Variants in PLGRKT observed in about 807,000 individuals in gnomAD.
PLGRKT encodes the protein plasminogen receptor (KT).
Under a neutral mutation model 18.5 loss-of-function variants are expected in PLGRKT, and 22 were observed. The ratio of observed to expected loss-of-function variants is 1.19; its 90% CI spans 0.85 to 1.70. The LOEUF (loss-of-function observed/expected upper bound fraction) is 1.70, where lower values mean the gene tolerates loss of function less well. PLGRKT is among the 40% of genes most tolerant of loss of function. The pLI, the probability that PLGRKT is intolerant of heterozygous loss-of-function variation, is 0.00. For synonymous variants in PLGRKT, 72 were observed against 52.8 expected, an observed-to-expected ratio of 1.36 and a Z score of -1.58; for missense variants, 235 against 174.4, an observed-to-expected ratio of 1.35 and a Z score of -1.96.
intron 3 of PLGRKT, among the ~76,000 whole-genome samples, chr9:5,424,689 TATAC>T (rs1818658875): frequency 2.8e-5 from 2 of 70,866 alleles, no homozygotes; most frequent in South Asian, 4.1e-4. Flanking sequence ...TATATATATA[TATAC>T]ACACAGGGGG....
chr9:5,373,240 C>G lies in PLGRKT; in HGVS notation c.82-11352G>C, dbSNP rs994768698. 2.0e-5 allele frequency among the ~76,000 whole-genome samples: 3 copies of G among 152,132 alleles called. No homozygotes were observed. The East Asian group carries it at 5.8e-4, about 29-fold the overall frequency. On this transcript the variant is annotated intron_variant, in intron 3 of 5. Transcript: ENST00000223864. ...CAATTTCTCACCAGCATTTTATGCCCCTATCCACTGTAGTGTGTAATTTTA... is the reference window on the plus strand; with the variant it reads ...CAATTTCTCACCAGCATTTTATGCCGCTATCCACTGTAGTGTGTAATTTTA...
At chr9:5,424,299 C>G (rs931164382) in intron 3 of PLGRKT, among the ~76,000 whole-genome samples, 1 of 134,112 alleles carries the variant, frequency 7.5e-6, no homozygotes, top group Non-Finnish European at 1.5e-5. Context: ...TAGATATTAG[C>G]TGGGCAATGT....
intron 3 of PLGRKT, among the ~76,000 whole-genome samples, chr9:5,398,004 G>A (rs549930555): frequency 1.3e-5 from 2 of 151,980 alleles, no homozygotes; most frequent in African/African-American, 2.4e-5. Context: ...TCTGTAGCTT[G>A]GTGCCCACAT....
At chr9:5,407,715 C>A (rs1818283216) in intron 3 of PLGRKT, among the ~76,000 whole-genome samples, 1 of 151,622 alleles carries the variant, frequency 6.6e-6, no homozygotes, top group South Asian at 2.1e-4. Flanking sequence ...AACTCAAGAA[C>A]AGGAGAAGTG....
At position 5,392,827 on chromosome 9, in the gene PLGRKT, C is replaced by A. The variant is rs114736702; in HGVS notation, c.82-30939G>T. 4.2e-3 allele frequency among the ~76,000 whole-genome samples: 639 copies of A among 151,516 alleles called. 17 individuals are homozygous for A. The highest frequency in any genetic ancestry group is 0.015 in the African/African-American group (620 of 41,104). ...TTCCGGATTGATTTTTATTTATTTA[C>A]TTTATTTCATTTTATTATTATTATT... is the stretch of plus-strand genomic sequence containing the variant. On this transcript the variant is annotated intron_variant, in intron 3 of 5. Coordinates refer to ENST00000223864, the MANE Select transcript of PLGRKT (RefSeq NM_018465.4).
rs188504267 is a variant in PLGRKT at position 5,408,484 on chromosome 9, T to C, written c.81+23413A>G. On this transcript the variant is annotated intron_variant, in intron 3 of 5. Coordinates refer to ENST00000223864, the MANE Select transcript of PLGRKT (RefSeq NM_018465.4). ...TTTCTAACCAGCAAAACATTTGAGA[T>C]GTAGACTGGCTGCTTCTAGCAGCCT... Among the ~76,000 whole-genome samples, 378 of 152,318 alleles carry C rather than the reference T, an allele frequency of 2.5e-3. 2 individuals carry two copies. Among genetic ancestry groups the C allele is most frequent in the African/African-American group, 8.7e-3 (361 of 41,572 alleles).
chr9:5,359,205 G>A (rs1189879338), intron 5 of PLGRKT, among the ~76,000 whole-genome samples: 1 of 151,974 alleles, frequency 6.6e-6, no homozygotes, highest in Non-Finnish European at 1.5e-5. Context: ...TGGGACTACA[G>A]GTGGTGTACA....
chr9:5,404,368 A>T lies in PLGRKT; in HGVS notation c.81+27529T>A, dbSNP rs150916746. Reference sequence around the variant, plus strand: ...ATATCCCTGATGAACATCGATACAAAAATCCTCAATAAAATACTGGCAAGC... The same window carrying T: ...ATATCCCTGATGAACATCGATACAATAATCCTCAATAAAATACTGGCAAGC... On this transcript the variant is annotated intron_variant, in intron 3 of 5. Transcript: ENST00000223864. 5.5e-3 allele frequency among the ~76,000 whole-genome samples: 831 copies of T among 152,326 alleles called. 8 individuals are homozygous for T. The highest frequency in any genetic ancestry group is 0.019 in the African/African-American group (789 of 41,576).
At chr9:5,404,484 A>AAT (rs1287006590) in intron 3 of PLGRKT, among the ~76,000 whole-genome samples, 2 of 152,226 alleles carry the variant, frequency 1.3e-5, no homozygotes, top group Non-Finnish European at 2.9e-5. Flanking sequence ...TACACAAATC[A>AAT]ATAAATGTGA....
At chr9:5,433,948 G>GCCA (rs1818895015) in intron 2 of PLGRKT, among the ~76,000 whole-genome samples, 1 of 144,580 alleles carries the variant, frequency 6.9e-6, no homozygotes, top group Admixed American at 6.8e-5. Context: ...CTGCCCGGCC[G>GCCA]CCCCGTCTGG....
chr9:5,392,151 A>C lies in PLGRKT; in HGVS notation c.82-30263T>G, dbSNP rs77375187. ...TTGGGTTTTTTTCCACTTAAATCTC[A>C]GACGCTGTAATAGCAGTTATATTAT... is the stretch of plus-strand genomic sequence containing the variant. On this transcript the variant is annotated intron_variant, in intron 3 of 5. Transcript: ENST00000223864. Among the ~76,000 whole-genome samples the C allele has an allele frequency of 7.8e-3, 1,183 of 152,050 alleles. 38 individuals carry two copies. Among genetic ancestry groups the C allele is most frequent in the African/African-American group, 0.028 (1,151 of 41,318 alleles).
At chr9:5,412,667 G>A (rs555542238) in intron 3 of PLGRKT, among the ~76,000 whole-genome samples, 10 of 152,244 alleles carry the variant, frequency 6.6e-5, no homozygotes, top group East Asian at 1.9e-4. Context: ...GAAAATGAAC[G>A]AAGACAAAAG....
At chr9:5,431,823 G>C in intron 3 of PLGRKT, 74 bp downstream of exon 3, 1 of 727,988 alleles carries the variant, frequency 1.4e-6, no homozygotes, top group East Asian at 2.5e-5. Context: ...CAAAGAGAAT[G>C]TACGGCTGGA....
At chr9:5,408,177 G>C (rs1469122865) in intron 3 of PLGRKT, among the ~76,000 whole-genome samples, 3 of 152,236 alleles carry the variant, frequency 2.0e-5, no homozygotes, top group African/African-American at 7.2e-5. Context: ...GAAATGGGCA[G>C]AGGTTGGAAG....
intron 5 of PLGRKT, among the ~76,000 whole-genome samples, chr9:5,359,194 C>T (rs1249906839): frequency 1.3e-5 from 2 of 151,962 alleles, no homozygotes; most frequent in East Asian, 3.9e-4. Flanking sequence ...TCCTGAGTAG[C>T]TGGGACTACA....
rs1818517854 is a variant in PLGRKT, at chr9:5,418,894, T to A, written c.81+13003A>T. ...AACTGAACAGCAGGTGTGCTTGCAA[T>A]CCAGCAACTTGGCCTTCACTAGGGG... On this transcript the variant is annotated intron_variant, in intron 3 of 5. Coordinates refer to ENST00000223864, the MANE Select transcript of PLGRKT (RefSeq NM_018465.4). The surrounding 1 kb of genome is among the most constrained non-coding windows in gnomAD (Gnocchi z 4.2). 8.2e-6 allele frequency: 8 copies of A among 974,968 alleles called. 1 individual carries two copies. The East Asian group carries it at 2.1e-4, about 26-fold the overall frequency. The allele number at this position is 974,968 out of a possible 1,614,324, so 60.4% of individuals were successfully genotyped here.
At position 5,365,506 on chromosome 9, in the gene PLGRKT, T is replaced by C. The variant is rs1013475297; in HGVS notation, c.82-3618A>G. On this transcript the variant is annotated intron_variant, in intron 3 of 5. Transcript: ENST00000223864. ...GGAGCTTAACTCCCACCCCTTGATC[T>C]TGGGCTTTGCTTAGTTACTTGCTCC... Among the ~76,000 whole-genome samples, 4 of 138,274 alleles carry C rather than the reference T, an allele frequency of 2.9e-5. No individual in the cohort carries two copies. In the East Asian group the frequency reaches 6.0e-4, roughly 21 times the overall value. The allele number at this position is 138,274 out of a possible 152,430, so 90.7% of individuals were successfully genotyped here.
At chr9:5,399,338 G>C (rs960263892) in intron 3 of PLGRKT, among the ~76,000 whole-genome samples, 1 of 151,762 alleles carries the variant, frequency 6.6e-6, no homozygotes, top group Non-Finnish European at 1.5e-5. Flanking sequence ...TTTCCCCCCT[G>C]ATAAAATATA....
chr9:5,399,498 A>C (rs1346724229), intron 3 of PLGRKT, among the ~76,000 whole-genome samples: 1 of 151,764 alleles, frequency 6.6e-6, no homozygotes, highest in African/African-American at 2.4e-5. Flanking sequence ...GGTCCTTGCA[A>C]GTGACAGTTA....
Sources: allele counts gnomAD v4.1 joint callset (sites outside exome capture counted in the v4.1 genomes callset), GRCh38; gene constraint gnomAD v4.1.1; non-coding constraint Gnocchi (gnomAD v3.1); transcripts MANE v1.5; gene names NCBI Gene and HGNC (gene_info 2026-07-23, HGNC 2026-07-21).